The following CACNA2D3 variants were observed in gnomAD, a reference collection of about 807,000 sequenced individuals.
The protein encoded by CACNA2D3 is calcium voltage-gated channel auxiliary subunit alpha2delta 3, also known as voltage-dependent calcium channel subunit alpha-2/delta-3.
Under a neutral mutation model 160.6 loss-of-function variants are expected in CACNA2D3, and 60 were observed. That is an observed-to-expected ratio of 0.37 (90% confidence interval 0.30 to 0.46). The LOEUF (loss-of-function observed/expected upper bound fraction) is 0.46. Ranked by LOEUF, CACNA2D3 falls within the 20% of genes least tolerant of loss-of-function variation. The pLI is 1.00. For missense variants in CACNA2D3, 1,205 were observed against 1,365.0 expected (o/e 0.88, Z 1.85); for synonymous variants, 558 against 492.9 (o/e 1.13, Z -1.75).
intron 11 of CACNA2D3, among the ~76,000 whole-genome samples, chr3:54,695,993 C>A (rs1325617076): frequency 1.3e-5 from 2 of 152,120 alleles, no homozygotes; most frequent in African/African-American, 4.8e-5. Context: ...ATTTTCCCTT[C>A]TTTCTACATC....
At chr3:54,149,468 G>A (rs576896180) in intron 2 of CACNA2D3, among the ~76,000 whole-genome samples, 1 of 152,280 alleles carries the variant, frequency 6.6e-6, no homozygotes, top group African/African-American at 2.4e-5. Context: ...CAAACATTTG[G>A]TTGGGGACTT....
At chr3:54,181,316 T>C (rs1214785011) in intron 2 of CACNA2D3, among the ~76,000 whole-genome samples, 1 of 152,098 alleles carries the variant, frequency 6.6e-6, no homozygotes, top group African/African-American at 2.4e-5. Flanking sequence ...CCATGAGGGG[T>C]TGTAAAAGTA....
chr3:54,293,390 T>A (rs977226458), intron 2 of CACNA2D3, among the ~76,000 whole-genome samples: 1 of 152,058 alleles, frequency 6.6e-6, no homozygotes, highest in Admixed American at 6.6e-5. Context: ...GTCCATTATA[T>A]CATTCTTATG....
At chr3:54,771,441 C>G (rs1702319962) in intron 13 of CACNA2D3, among the ~76,000 whole-genome samples, 1 of 152,202 alleles carries the variant, frequency 6.6e-6, no homozygotes, top group Admixed American at 6.5e-5. Flanking sequence ...CTGCAGGTCT[C>G]ATCTGCAACT....
intron 4 of CACNA2D3, among the ~76,000 whole-genome samples, chr3:54,459,095 C>T (rs1363779884): frequency 6.6e-6 from 1 of 152,128 alleles, no homozygotes; most frequent in African/African-American, 2.4e-5. Context: ...CTACAAAGGA[C>T]ATGAACACAT....
intron 35 of CACNA2D3, 97 bp downstream of exon 35, chr3:55,018,414 A>G (rs1703375373): frequency 1.4e-6 from 1 of 706,738 alleles, no homozygotes; most frequent in Middle Eastern, 2.5e-4. Context: ...CAGTTACACC[A>G]ATAGAAAACA....
intron 11 of CACNA2D3, among the ~76,000 whole-genome samples, chr3:54,743,076 A>C (rs1701685668): frequency 1.3e-5 from 2 of 152,228 alleles, no homozygotes; most frequent in South Asian, 4.1e-4. Flanking sequence ...TGATAAATTC[A>C]AGTATGTCCC....
intron 11 of CACNA2D3, among the ~76,000 whole-genome samples, chr3:54,681,139 CAG>C (rs1298090954): frequency 7.0e-6 from 1 of 143,034 alleles, no homozygotes; most frequent in Admixed American, 7.3e-5. Flanking sequence ...GAGAGAGAGA[CAG>C]AGAGAGAAGA....
At chr3:54,658,721 A>G (rs1699916973) in intron 11 of CACNA2D3, among the ~76,000 whole-genome samples, 2 of 152,128 alleles carry the variant, frequency 1.3e-5, no homozygotes, top group South Asian at 2.1e-4. Flanking sequence ...GAGGAAACCT[A>G]TGGGATGGGA....
rs758813347 is a variant in CACNA2D3 at position 54,987,739 on chromosome 3, G to A, written c.2676G>A (p.Met892Ile). Residue 892 changes from methionine (M) to isoleucine (I), a missense_variant, in exon 31 of 38, where the codon ATG (methionine) becomes ATA (isoleucine). By Grantham distance (10) the Met-to-Ile change is conservative (BLOSUM62 1). This residue lies in a region of CACNA2D3 where 911 missense variants were observed against 1,002.2 expected (regional missense o/e 0.91). Coordinates refer to ENST00000474759, the MANE Select transcript of CACNA2D3 (RefSeq NM_018398.3). ...EGAVMNKLLT[M>I]GSFKRITLYD... ...CTGTGATGAACAAATTGCTAACAATGGGCTCCTTTAAAAGGTAAGGGTTTT... is the reference window on the plus strand; with the variant it reads ...CTGTGATGAACAAATTGCTAACAATAGGCTCCTTTAAAAGGTAAGGGTTTT... The A allele has an allele frequency of 6.2e-7, 1 of 1,608,978 alleles. No homozygotes were observed. The highest frequency in any genetic ancestry group is 8.5e-7 in the Non-Finnish European group (1 of 1,178,172).
At chr3:55,037,532 G>A (rs1321047718) in intron 35 of CACNA2D3, among the ~76,000 whole-genome samples, 1 of 152,138 alleles carries the variant, frequency 6.6e-6, no homozygotes, top group Non-Finnish European at 1.5e-5. Context: ...CAAGAGGGCG[G>A]GCCGAAGATA....
chr3:54,400,592 C>G lies in CACNA2D3; in HGVS notation c.381+13818C>G, dbSNP rs928202411. On this transcript the variant is annotated intron_variant, in intron 4 of 37. Transcript: ENST00000474759. ...TTGCTACCACCACCACTGCCCCAAA[C>G]TCCTACAGCCTAGTCTACCAGACAC... 2.6e-5 allele frequency among the ~76,000 whole-genome samples: 4 copies of G among 152,204 alleles called. No individual in the cohort carries two copies. In the East Asian group the frequency reaches 7.7e-4, roughly 29 times the overall value.
intron 2 of CACNA2D3, among the ~76,000 whole-genome samples, chr3:54,314,148 A>G (rs555938567): frequency 2.6e-5 from 4 of 152,214 alleles, no homozygotes; most frequent in South Asian, 2.1e-4. Context: ...AAGTGAGAAC[A>G]TATGATGTTT....
intron 3 of CACNA2D3, 82 bp downstream of exon 3, chr3:54,320,640 CAA>C: frequency 1.5e-6 from 1 of 646,722 alleles, no homozygotes; most frequent in Non-Finnish European, 2.6e-6. Context: ...ACCAATCTCT[CAA>C]AGATAAAAGT....
At chr3:54,330,115 C>G (rs1704212980) in intron 3 of CACNA2D3, among the ~76,000 whole-genome samples, 1 of 152,086 alleles carries the variant, frequency 6.6e-6, no homozygotes, top group Admixed American at 6.6e-5. Flanking sequence ...TTGCACATCC[C>G]AGGCTTACTG....
At chr3:54,309,156 T>C (rs1703674132) in intron 2 of CACNA2D3, among the ~76,000 whole-genome samples, 1 of 152,226 alleles carries the variant, frequency 6.6e-6, no homozygotes, top group African/African-American at 2.4e-5. Context: ...TACTCAGGAA[T>C]TGGAGTTTTT....
intron 2 of CACNA2D3, among the ~76,000 whole-genome samples, chr3:54,184,521 G>A (rs1422678490): frequency 6.6e-6 from 1 of 152,204 alleles, no homozygotes; most frequent in Non-Finnish European, 1.5e-5. Context: ...TAGGAGAAAA[G>A]GACATTTGTC....
intron 29 of CACNA2D3, among the ~76,000 whole-genome samples, chr3:54,977,706 A>G (rs142913253): frequency 1.5e-3 from 233 of 152,212 alleles, no homozygotes; most frequent in African/African-American, 5.5e-3. Flanking sequence ...CCCTTGCTTC[A>G]TTGTCTGTAT....
At chr3:54,925,569 G>A (rs1355631566) in intron 27 of CACNA2D3, among the ~76,000 whole-genome samples, 1 of 152,150 alleles carries the variant, frequency 6.6e-6, no homozygotes, top group Non-Finnish European at 1.5e-5. Context: ...AATTATTTGG[G>A]GCCAGATGTG....
Sources: allele counts gnomAD v4.1 joint callset (sites outside exome capture counted in the v4.1 genomes callset), GRCh38; gene constraint gnomAD v4.1.1; regional missense constraint gnomAD v4.1.1; transcripts MANE v1.5; gene names NCBI Gene and HGNC (gene_info 2026-07-23, HGNC 2026-07-21).